The following COQ7 variants were observed in gnomAD, a reference collection of about 807,000 sequenced individuals.
COQ7 encodes the protein NADPH-dependent 3-demethoxyubiquinone 3-hydroxylase, mitochondrial.
A neutral mutation model predicts 25.0 loss-of-function variants in COQ7; 21 were observed. The ratio of observed to expected loss-of-function variants is 0.84; its 90% CI spans 0.60 to 1.21. COQ7 has a LOEUF of 1.21. Ranked by LOEUF, COQ7 falls within the 50% of genes most tolerant of loss-of-function variation. The pLI, the probability that COQ7 is intolerant of heterozygous loss-of-function variation, is 0.00. For missense variants in COQ7, 311 were observed against 296.2 expected (o/e 1.05, Z -0.37); for synonymous variants, 125 against 112.4 (o/e 1.11, Z -0.71).
intron 1 of COQ7, among the ~76,000 whole-genome samples, chr16:19,069,409 CTT>C (rs67523316): frequency 7.5e-5 from 9 of 119,338 alleles, no homozygotes; most frequent in African/African-American, 1.2e-4. Context: ...TGATTATTGC[CTT>C]TTTTTTTTTT....
intron 5 of COQ7, 127 bp from the exon 6 acceptor site, chr16:19,077,954 A>G (rs1962945918): frequency 1.6e-6 from 1 of 610,464 alleles, no homozygotes; most frequent in Non-Finnish European, 2.7e-6. Flanking sequence ...CTTTGAAACT[A>G]AAATAAATTG....
downstream of COQ7, among the ~76,000 whole-genome samples, chr16:19,081,756 G>A (rs1963103207): frequency 6.6e-6 from 1 of 152,200 alleles, no homozygotes; most frequent in Admixed American, 6.5e-5. Flanking sequence ...TAACAAAAAT[G>A]AAGACTGGAG....
In COQ7 at chr16:19,079,388, T is replaced by A. The variant is rs922834666; in HGVS notation, c.*1230T>A. 6.6e-6 allele frequency: 1 copy of A among 152,076 alleles called. No individual in the cohort carries two copies. The highest frequency in any genetic ancestry group is 2.4e-5 in the African/African-American group (1 of 41,410). The allele number at this position is 152,076 out of a possible 1,614,324, so 9.4% of individuals were successfully genotyped here. A position where few individuals can be genotyped will look rare whatever the true frequency, so the allele number is the denominator to read the frequency against. On this transcript the variant is annotated 3_prime_UTR_variant, in exon 6 of 6. Coordinates refer to ENST00000321998, the MANE Select transcript of COQ7 (RefSeq NM_016138.5). ...AATTACAACCTTTTCCTTAAGGTCT[T>A]TTACCACCTCCCCCCCAAAAAAATC... is the stretch of plus-strand genomic sequence containing the variant.
rs758653757 is a variant in COQ7 at position 19,078,157 on chromosome 16, A to T, written c.653A>T (p.Ter218LeuextTer9). ...GCGATATATTTATCAGAAAGATTAT[A>T]AAGTGTGTCCAGTTTTGCCTGTCTA... ...RVAIYLSERL[*>L] Residue 218 changes from the stop codon to leucine, a stop_lost, in exon 6 of 6, where the codon TAA becomes TTA. Coordinates refer to ENST00000321998, the MANE Select transcript of COQ7 (RefSeq NM_016138.5). 1 of 1,609,964 alleles carries T rather than the reference A, an allele frequency of 6.2e-7. No individual in the cohort carries two copies. The highest frequency in any genetic ancestry group is 1.7e-5 in the Admixed American group (1 of 59,332).
chr16:19,076,093 T>C lies in COQ7; in HGVS notation c.507+233T>C, dbSNP rs1238112224. On this transcript the variant is annotated intron_variant, in intron 4 of 5. Coordinates refer to ENST00000321998, the MANE Select transcript of COQ7 (RefSeq NM_016138.5). ...GAACCCTTGTCTCCTTTGTCTTTTT[T>C]CTTTTTATTTAGAGATGAGGTCTTG... Among the ~76,000 whole-genome samples, 3 of 151,964 alleles carry C rather than the reference T, an allele frequency of 2.0e-5. No individual in the cohort carries two copies. In the East Asian group the frequency reaches 5.8e-4, roughly 29 times the overall value.
downstream of COQ7, among the ~76,000 whole-genome samples, chr16:19,081,487 G>T (rs189580205): frequency 4.0e-3 from 615 of 152,212 alleles, no homozygotes; most frequent in Non-Finnish European, 6.8e-3. Context: ...TTTCTAACAG[G>T]TCCAGGAGCC....
Position 19,078,332 on chromosome 16 carries a change from T to G in COQ7, c.*174T>G. 2.0e-6 allele frequency: 1 copy of G among 491,354 alleles called. No individual in the cohort carries two copies. The highest frequency in any genetic ancestry group is 3.4e-6 in the Non-Finnish European group (1 of 291,952). 30.4% of individuals were successfully genotyped at this position (491,354 alleles called of 1,614,324 possible). A position where few individuals can be genotyped will look rare whatever the true frequency, so the allele number is the denominator to read the frequency against. The stretch of plus-strand genomic sequence containing the variant: ...CTGCAGTGTTGATTTTTCTCTGGGT[T>G]GTTTTTTCTGCCATGAGACCAACAG... On this transcript the variant is annotated 3_prime_UTR_variant, in exon 6 of 6. Transcript: ENST00000321998.
intron 1 of COQ7, 188 bp downstream of exon 1, chr16:19,067,925 G>C: frequency 6.8e-7 from 1 of 1,468,620 alleles, no homozygotes; most frequent in Non-Finnish European, 8.9e-7. Context: ...TTAGCGGCGA[G>C]AGTGACAGGA....
At chr16:19,073,717 T>C (rs1962682566) in intron 2 of COQ7, among the ~76,000 whole-genome samples, 1 of 152,146 alleles carries the variant, frequency 6.6e-6, no homozygotes, top group African/African-American at 2.4e-5. Flanking sequence ...TAATAGACTG[T>C]TTTGTATTCT....
chr16:19,069,949 A>G (rs1962470105), intron 1 of COQ7, among the ~76,000 whole-genome samples: 1 of 151,500 alleles, frequency 6.6e-6, no homozygotes, highest in Non-Finnish European at 1.5e-5. Context: ...ATGCCTGGCT[A>G]ATTTTTATAT....
chr16:19,076,128 C>A (rs1466799927), intron 4 of COQ7, among the ~76,000 whole-genome samples: 1 of 152,030 alleles, frequency 6.6e-6, no homozygotes, highest in African/African-American at 2.4e-5. Flanking sequence ...GCTCCGTTGC[C>A]CAGGCCGGAG....
intron 3 of COQ7, 144 bp downstream of exon 3, chr16:19,074,179 C>T: frequency 5.4e-6 from 3 of 554,158 alleles, no homozygotes; most frequent in East Asian, 3.2e-5. Flanking sequence ...AAATTGACTG[C>T]CTTTTTTTGT....
At chr16:19,081,735 T>C (rs1263844697), downstream of COQ7, among the ~76,000 whole-genome samples, 1 of 152,250 alleles carries the variant, frequency 6.6e-6, no homozygotes, top group Non-Finnish European at 1.5e-5. Context: ...AATCCTATTA[T>C]GATTTGTTTT....
downstream of COQ7, among the ~76,000 whole-genome samples, chr16:19,081,225 T>G (rs1249315436): frequency 7.2e-5 from 11 of 152,226 alleles, no homozygotes; most frequent in Admixed American, 7.2e-4. Context: ...TCTCTAGAAT[T>G]CAGAAACTAT....
chr16:19,077,648 G>A (rs1229330927), intron 5 of COQ7, among the ~76,000 whole-genome samples: 1 of 122,492 alleles, frequency 8.2e-6, no homozygotes, highest in Non-Finnish European at 1.6e-5. Flanking sequence ...GAGTGCAGTG[G>A]TGCAGTCTTA....
chr16:19,075,324 T>C (rs1355145898), intron 3 of COQ7, among the ~76,000 whole-genome samples: 4 of 150,660 alleles, frequency 2.7e-5, no homozygotes, highest in African/African-American at 9.7e-5. Context: ...TGCCTCAGCC[T>C]CCCAAGTAGC....
intron 3 of COQ7, among the ~76,000 whole-genome samples, chr16:19,075,288 C>T (rs1466374132): frequency 6.6e-6 from 1 of 150,918 alleles, no homozygotes; most frequent in Non-Finnish European, 1.5e-5. Context: ...CTGCAACCTC[C>T]ACCTCCCGGC....
intron 1 of COQ7, 183 bp downstream of exon 1, chr16:19,067,920 G>C: frequency 6.8e-7 from 1 of 1,475,556 alleles, no homozygotes; most frequent in Non-Finnish European, 8.9e-7. Flanking sequence ...TGTAGTTAGC[G>C]GCGAGAGTGA....
rs781203153 is a variant in COQ7 at position 19,078,388 on chromosome 16, G to T, written c.*230G>T. The T allele has an allele frequency of 2.8e-6, 1 of 353,226 alleles. No individual in the cohort carries two copies. The highest frequency in any genetic ancestry group is 2.1e-5 in the African/African-American group (1 of 47,294). 21.9% of individuals were successfully genotyped at this position (353,226 alleles called of 1,614,324 possible). A position where few individuals can be genotyped will look rare whatever the true frequency, so the allele number is the denominator to read the frequency against. On this transcript the variant is annotated 3_prime_UTR_variant, in exon 6 of 6. Transcript: ENST00000321998. The stretch of plus-strand genomic sequence containing the variant: ...CAGCCTTGTTCAAGTTACAGCAAAC[G>T]AAGCTGGGCCTTGTTTGGTCTCATA...
Sources: gnomAD v4.1 joint callset for allele counts (sites outside exome capture counted in the v4.1 genomes callset) on GRCh38, gnomAD v4.1.1 for gene constraint, MANE v1.5 for transcripts, NCBI Gene and HGNC (gene_info 2026-07-23, HGNC 2026-07-21) for gene names.